The following EPB41L2 variants were observed in gnomAD, a reference collection of about 807,000 sequenced individuals.
EPB41L2 encodes erythrocyte membrane protein band 4.1 like 2, also known as band 4.1-like protein 2.
In EPB41L2, 43 loss-of-function variants were observed where a neutral mutation model predicts 113.0. The ratio of observed to expected loss-of-function variants is 0.38; its 90% CI spans 0.30 to 0.49. EPB41L2 has a LOEUF of 0.49. Ranked by LOEUF, EPB41L2 falls within the 20% of genes least tolerant of loss-of-function variation. EPB41L2 has a pLI of 0.95. For missense variants in EPB41L2, 1,147 were observed against 1,223.4 expected (o/e 0.94, Z 0.93); for synonymous variants, 442 against 436.7 (o/e 1.01, Z -0.15).
chr6:130,873,181 C>CT (rs962787963), intron 14 of EPB41L2, among the ~76,000 whole-genome samples: 2 of 151,998 alleles, frequency 1.3e-5, no homozygotes, highest in Middle Eastern at 3.2e-3. Context: ...ACCCTGTCCC[C>CT]TTTTTTTGCA....
chr6:130,918,472 T>C (rs559005099), intron 4 of EPB41L2, among the ~76,000 whole-genome samples: 2 of 152,296 alleles, frequency 1.3e-5, no homozygotes, highest in South Asian at 4.1e-4. Flanking sequence ...AAGAACTATA[T>C]GGACTTGGAA....
chr6:130,916,691 C>T (rs1203241526), intron 4 of EPB41L2, among the ~76,000 whole-genome samples: 1 of 152,222 alleles, frequency 6.6e-6, no homozygotes, highest in Admixed American at 6.5e-5. Flanking sequence ...TTTATCCCTA[C>T]ATCAATGCTT....
chr6:131,054,427 C>T (rs991717366), intron 1 of EPB41L2, among the ~76,000 whole-genome samples: 1 of 152,122 alleles, frequency 6.6e-6, no homozygotes, highest in African/African-American at 2.4e-5. Flanking sequence ...TTTATCTATC[C>T]CTGTCTGTCC....
intron 4 of EPB41L2, among the ~76,000 whole-genome samples, chr6:130,914,139 G>T (rs959949739): frequency 2.0e-5 from 3 of 152,042 alleles, no homozygotes; most frequent in African/African-American, 7.2e-5. Context: ...ACACAAAATG[G>T]GGATCACAAC....
chr6:130,855,992 T>C (rs1355781437), intron 19 of EPB41L2, among the ~76,000 whole-genome samples: 1 of 151,902 alleles, frequency 6.6e-6, no homozygotes, highest in Non-Finnish European at 1.5e-5. Context: ...AGAAATAGTG[T>C]CAGAAACACC....
At chr6:130,950,499 T>G (rs890813982) in intron 3 of EPB41L2, among the ~76,000 whole-genome samples, 1 of 151,356 alleles carries the variant, frequency 6.6e-6, no homozygotes, top group Non-Finnish European at 1.5e-5. Context: ...GAAAAAAAAA[T>G]TTAAAAATTT....
chr6:131,054,299 C>G, intron 1 of EPB41L2, among the ~76,000 whole-genome samples: 1 of 152,182 alleles, frequency 6.6e-6, no homozygotes, highest in East Asian at 1.9e-4. Flanking sequence ...GCAGAACTTC[C>G]TCATTCAAGT....
intron 1 of EPB41L2, among the ~76,000 whole-genome samples, chr6:130,970,660 G>T (rs1776551119): frequency 6.6e-6 from 1 of 151,754 alleles, no homozygotes; most frequent in African/African-American, 2.4e-5. Context: ...GCTTTGCTTT[G>T]AGTCTCCATC....
rs1429458738 is a variant in EPB41L2, at chr6:130,881,669, T to C, written c.1834-1463A>G. ...CTTAGTAGCACAGAGGTAGGATACT[T>C]GAAAAAAATTTGCCTTATATAGGGG... On this transcript the variant is annotated intron_variant, in intron 12 of 19. Coordinates refer to ENST00000337057, the MANE Select transcript of EPB41L2 (RefSeq NM_001431.4). 2.0e-5 allele frequency: 3 copies of C among 152,192 alleles called. 1 individual carries two copies. Among genetic ancestry groups the C allele is most frequent in the Admixed American group, 2.0e-4 (3 of 15,274 alleles). 9.4% of individuals were successfully genotyped at this position (152,192 alleles called of 1,614,324 possible).
intron 1 of EPB41L2, among the ~76,000 whole-genome samples, chr6:130,966,267 C>G (rs1562614286): frequency 6.6e-6 from 1 of 152,122 alleles, no homozygotes; most frequent in African/African-American, 2.4e-5. Flanking sequence ...GGTCTTATAC[C>G]ACACATTCAT....
In EPB41L2 at chr6:131,053,815, C is replaced by T. The variant is rs945977716; in HGVS notation, c.-15+9340G>A. Among the ~76,000 whole-genome samples the T allele has an allele frequency of 5.3e-5, 8 of 152,234 alleles. No individual in the cohort carries two copies. The East Asian group carries it at 7.7e-4, about 15-fold the overall frequency. On this transcript the variant is annotated intron_variant, in intron 1 of 19. Coordinates refer to ENST00000337057, the MANE Select transcript of EPB41L2 (RefSeq NM_001431.4). ...GAGTTGATCATAACCCTCATTCTTT[C>T]GACCTCCAACGTTTCTCCCTTTTTG...
At chr6:131,006,813 C>T (rs959103931) in intron 1 of EPB41L2, among the ~76,000 whole-genome samples, 1 of 151,914 alleles carries the variant, frequency 6.6e-6, no homozygotes, top group African/African-American at 2.4e-5. Context: ...TTTCATGCAC[C>T]CCGACCTCTG....
intron 4 of EPB41L2, among the ~76,000 whole-genome samples, chr6:130,909,945 C>A (rs867645152): frequency 3.3e-5 from 5 of 152,194 alleles, no homozygotes; most frequent in South Asian, 2.1e-4. Context: ...TGAAAATGAT[C>A]ATACTGCCCA....
At position 130,870,017 on chromosome 6, in the gene EPB41L2, C is replaced by A. The variant is rs149795029; in HGVS notation, c.2153G>T (p.Ser718Ile). Residue 718 changes from serine (S) to isoleucine (I), a missense_variant, in exon 15 of 20, where the codon AGT becomes ATT. Coordinates refer to ENST00000337057, the MANE Select transcript of EPB41L2 (RefSeq NM_001431.4). ...EMNGKEISPG[S>I]GPGEIRKVEP... The stretch of plus-strand genomic sequence containing the variant: ...CACCTTACGAATCTCCCCAGGACCA[C>A]TCCCAGGTGATATCTCTTTACCATT... The A allele has an allele frequency of 6.8e-6, 11 of 1,613,924 alleles. No homozygotes were observed. The highest frequency in any genetic ancestry group is 5.3e-5 in the African/African-American group (4 of 74,906).
At chr6:130,973,101 CA>C (rs1018964001) in intron 1 of EPB41L2, among the ~76,000 whole-genome samples, 4 of 151,680 alleles carry the variant, frequency 2.6e-5, no homozygotes, top group African/African-American at 4.8e-5. Context: ...GGCTCCATCT[CA>C]AAAAAAATAA....
chr6:131,013,039 G>T (rs2128727737), intron 1 of EPB41L2, among the ~76,000 whole-genome samples: 1 of 152,224 alleles, frequency 6.6e-6, no homozygotes, highest in African/African-American at 2.4e-5. Flanking sequence ...CCCTCTCTAA[G>T]CTATTTCCCC....
chr6:130,978,451 G>C lies in EPB41L2; in HGVS notation c.-14-21952C>G, dbSNP rs113687717. Among the ~76,000 whole-genome samples the C allele has an allele frequency of 2.9e-3, 444 of 152,286 alleles. 1 individual carries two copies. Among genetic ancestry groups the C allele is most frequent in the African/African-American group, 0.01 (424 of 41,554 alleles). On this transcript the variant is annotated intron_variant, in intron 1 of 19. Coordinates refer to ENST00000337057, the MANE Select transcript of EPB41L2 (RefSeq NM_001431.4). ...TAACTTTATTAGCTCTCCATAATTT[G>C]AGACTACAGCTCTGTCGCTTCACTT...
intron 1 of EPB41L2, among the ~76,000 whole-genome samples, chr6:130,957,216 G>A (rs1010030680): frequency 7.2e-5 from 11 of 152,042 alleles, no homozygotes; most frequent in African/African-American, 2.7e-4. Flanking sequence ...ATATTTAAGG[G>A]CCATAATCCA....
chr6:130,959,923 T>C (rs1818763483), intron 1 of EPB41L2, among the ~76,000 whole-genome samples: 1 of 152,248 alleles, frequency 6.6e-6, no homozygotes, highest in African/African-American at 2.4e-5. Flanking sequence ...GGCTGATTTT[T>C]GGCCAAAATA....
Sources: allele counts gnomAD v4.1 joint callset (sites outside exome capture counted in the v4.1 genomes callset), GRCh38; gene constraint gnomAD v4.1.1; transcripts MANE v1.5; gene names NCBI Gene and HGNC (gene_info 2026-07-23, HGNC 2026-07-21).